The following KLF13 variants were observed in gnomAD, a reference collection of about 807,000 sequenced individuals.
KLF13 encodes Krueppel-like factor 13.
KLF13 carries 8 observed loss-of-function variants against 16.7 expected under a neutral mutation model. The ratio of observed to expected loss-of-function variants is 0.48; its 90% confidence interval spans 0.28 to 0.87. The LOEUF (loss-of-function observed/expected upper bound fraction) is 0.87. Ranked by LOEUF, KLF13 falls within the 40% of genes least tolerant of loss-of-function variation. The pLI, the probability that KLF13 is intolerant of heterozygous loss-of-function variation, is 0.10. For synonymous variants in KLF13, 245 were observed against 208.4 expected (o/e 1.18, Z -1.51); for missense variants, 447 against 452.2 (o/e 0.99, Z 0.10).
chr15:31,432,488 G>C, intron 1 of KLF13, among the ~76,000 whole-genome samples: 1 of 138,552 alleles, frequency 7.2e-6, no homozygotes, highest in African/African-American at 2.7e-5. Flanking sequence ...TTACTCCGTT[G>C]CCCAGGCTGG....
downstream of KLF13, among the ~76,000 whole-genome samples, chr15:31,409,510 AAG>A (rs1184055939): frequency 6.6e-6 from 1 of 152,008 alleles, no homozygotes; most frequent in Non-Finnish European, 1.5e-5. Flanking sequence ...GCAGGAAAGA[AAG>A]AGAGAGAAAG....
intron 1 of KLF13, among the ~76,000 whole-genome samples, chr15:31,416,685 G>T (rs537228282): frequency 6.6e-6 from 1 of 152,194 alleles, no homozygotes; most frequent in African/African-American, 2.4e-5. Flanking sequence ...ACTTAATAGT[G>T]AAAGGAAAAA....
At chr15:31,416,153 A>G (rs552285606) in intron 1 of KLF13, among the ~76,000 whole-genome samples, 2 of 152,280 alleles carry the variant, frequency 1.3e-5, no homozygotes, top group East Asian at 3.9e-4. Flanking sequence ...GAATATACCT[A>G]TAAGAAGCAA....
intron 1 of KLF13, among the ~76,000 whole-genome samples, chr15:31,350,125 A>G (rs575123021): frequency 6.6e-6 from 1 of 152,350 alleles, no homozygotes; most frequent in East Asian, 1.9e-4. Flanking sequence ...GGAGAGTAGT[A>G]CAGCATGCGG....
At chr15:31,408,797 C>A (rs1037631221), downstream of KLF13, among the ~76,000 whole-genome samples, 2 of 151,998 alleles carry the variant, frequency 1.3e-5, no homozygotes, top group African/African-American at 2.4e-5. Flanking sequence ...CATACAAGAT[C>A]AGGTGGATAA....
intron 1 of KLF13, among the ~76,000 whole-genome samples, chr15:31,411,348 A>G (rs2040190597): frequency 6.6e-6 from 1 of 152,108 alleles, no homozygotes; most frequent in Admixed American, 6.5e-5. Context: ...AGGCTCAATC[A>G]ACATTCGAAA....
In KLF13 at chr15:31,327,261, T is replaced by A; in HGVS notation, c.49T>A (p.Ser17Thr). 1 of 1,374,540 alleles carries A rather than the reference T, an allele frequency of 7.3e-7. No individual in the cohort carries two copies. The highest frequency in any genetic ancestry group is 1.5e-5 in the African/African-American group (1 of 65,090). 85.1% of individuals were successfully genotyped at this position (1,374,540 alleles called of 1,614,324 possible). The change falls in exon 1 of 2, where the codon TCC (serine) becomes ACC (threonine). Residue 17 changes from serine (S) to threonine (T), a missense_variant. Around this residue, in one of 2 missense-constraint regions of KLF13, gnomAD observed 359 missense variants for 282.8 expected, o/e 1.27. Coordinates refer to ENST00000307145, the MANE Select transcript of KLF13 (RefSeq NM_015995.4). ...CCACTTCGCCGCCGAGTGCCTCGTG[T>A]CCATGTCGAGCCGCGCGGTCGTGCA... ...VDHFAAECLV[S>T]MSSRAVVHGP...
chr15:31,353,797 A>G (rs1426087449), intron 1 of KLF13, among the ~76,000 whole-genome samples: 1 of 151,552 alleles, frequency 6.6e-6, no homozygotes, highest in African/African-American at 2.4e-5. Flanking sequence ...GGCTCTCGGC[A>G]GGCAACCCCC....
chr15:31,421,972 G>A (rs983450347), intron 1 of KLF13, among the ~76,000 whole-genome samples: 1 of 151,952 alleles, frequency 6.6e-6, no homozygotes, highest in Non-Finnish European at 1.5e-5. Context: ...AAAATTAGCA[G>A]GGCATGGTGG....
intron 2 of KLF13, among the ~76,000 whole-genome samples, chr15:31,394,500 A>G (rs891580661): frequency 2.0e-5 from 3 of 152,006 alleles, no homozygotes; most frequent in Admixed American, 6.5e-5. Flanking sequence ...AAAAAAAAAA[A>G]AAAGAAAAGA....
intron 1 of KLF13, 29 bp downstream of exon 1, chr15:31,327,818 C>A (rs886803743): frequency 1.2e-5 from 17 of 1,430,702 alleles, no homozygotes; most frequent in African/African-American, 3.1e-5. Context: ...GCGCCCGGAT[C>A]GCGCGGACGG....
chr15:31,374,453 A>G lies in KLF13; in HGVS notation c.*2154A>G, dbSNP rs1399978831. ...AGTGGAATATTTGGTAGGGACCTTG[A>G]CAGAAGAGAGCCCTGGGTGCTTGTG... On this transcript the variant is annotated 3_prime_UTR_variant, in exon 2 of 2. Transcript: ENST00000307145. 6.6e-6 allele frequency: 1 copy of G among 152,504 alleles called. No individual in the cohort carries two copies. Among genetic ancestry groups the G allele is most frequent in the African/African-American group, 2.4e-5 (1 of 41,388 alleles). 9.4% of individuals were successfully genotyped at this position (152,504 alleles called of 1,614,324 possible). A position where few individuals can be genotyped will look rare whatever the true frequency, so the allele number is the denominator to read the frequency against.
At chr15:31,352,097 G>A (rs1461036872) in intron 1 of KLF13, among the ~76,000 whole-genome samples, 1 of 152,122 alleles carries the variant, frequency 6.6e-6, no homozygotes, top group Admixed American at 6.6e-5. Context: ...ACAAAAAAAG[G>A]GTTTTGCAGT....
chr15:31,353,120 A>G (rs1481558110), intron 1 of KLF13, among the ~76,000 whole-genome samples: 1 of 152,102 alleles, frequency 6.6e-6, no homozygotes, highest in Non-Finnish European at 1.5e-5. Context: ...GGGTGGCTCC[A>G]CATCTGACTT....
Position 31,350,509 on chromosome 15 carries a change from T to C in KLF13, c.578-21501T>C, listed in dbSNP as rs140662103. 1.8e-3 allele frequency among the ~76,000 whole-genome samples: 267 copies of C among 152,324 alleles called. 2 individuals carry two copies. Among genetic ancestry groups the C allele is most frequent in the African/African-American group, 5.7e-3 (237 of 41,572 alleles). On this transcript the variant is annotated intron_variant, in intron 1 of 1. Coordinates refer to ENST00000307145, the MANE Select transcript of KLF13 (RefSeq NM_015995.4). The stretch of plus-strand genomic sequence containing the variant: ...TTCCGTCTTCACCAAACTCTTAAAA[T>C]ATGAAGTGTAGGAAATTATGCCCCT...
In KLF13 at chr15:31,420,107, A is replaced by C. The variant is rs897099947; in HGVS notation, n.118-15263A>C. ...ATAACCAACAAAACTGTTCTTCAAA[A>C]ATGAAGGAGAAGGCAGCCAAGTGGT... On this transcript the variant is annotated intron_variant and non_coding_transcript_variant, in intron 1 of 1. Transcript: ENST00000558225. The C allele has an allele frequency of 1.2e-4, 45 of 389,406 alleles. No individual in the cohort carries two copies. The Middle Eastern group carries it at 4.9e-3, about 42-fold the overall frequency. 24.1% of individuals were successfully genotyped at this position (389,406 alleles called of 1,614,324 possible).
chr15:31,332,519 C>T (rs140903836), intron 1 of KLF13, among the ~76,000 whole-genome samples: 9 of 152,306 alleles, frequency 5.9e-5, no homozygotes, highest in African/African-American at 1.9e-4. Context: ...CCTTCCCCCT[C>T]GCTGAAAGAA....
At chr15:31,360,532 G>C (rs1026266769) in intron 1 of KLF13, among the ~76,000 whole-genome samples, 1 of 152,190 alleles carries the variant, frequency 6.6e-6, no homozygotes, top group African/African-American at 2.4e-5. Context: ...AAAGGGTAGG[G>C]GTAACTTGCT....
chr15:31,335,421 T>C (rs1414703613), intron 1 of KLF13, among the ~76,000 whole-genome samples: 1 of 108,044 alleles, frequency 9.3e-6, no homozygotes, highest in Admixed American at 1.1e-4. Context: ...CTGTTGGGCA[T>C]TGTGTGTGTG....
Sources: gnomAD v4.1 joint callset for allele counts (sites outside exome capture counted in the v4.1 genomes callset) on GRCh38, gnomAD v4.1.1 for gene constraint, gnomAD v4.1.1 regional missense constraint, MANE v1.5 for transcripts, NCBI Gene and HGNC (gene_info 2026-07-23, HGNC 2026-07-21) for gene names.